PEX14: variants seen among roughly 807,000 people sequenced by gnomAD.
PEX14 encodes the protein peroxisomal membrane protein PEX14.
In PEX14, 15 loss-of-function variants were observed where a neutral mutation model predicts 49.5. The observed-to-expected ratio is 0.30, with a 90% CI of 0.20 to 0.47. PEX14 has a LOEUF of 0.47. Among genes scored for constraint, PEX14 ranks in the 20% least tolerant of loss-of-function variants. The pLI is 1.00. For missense variants in PEX14, 398 were observed against 494.8 expected, an observed-to-expected ratio of 0.80 and a Z score of 1.86; for synonymous variants, 210 against 212.7, an observed-to-expected ratio of 0.99 and a Z score of 0.11.
intron 8 of PEX14, 61 bp downstream of exon 8, chr1:10,627,424 T>G: frequency 8.3e-7 from 1 of 1,199,726 alleles, no homozygotes; most frequent in Non-Finnish European, 1.2e-6. Context: ...CTGGGAGCTC[T>G]GGGGCATGGG....
At chr1:10,566,763 C>T (rs188799217) in intron 3 of PEX14, among the ~76,000 whole-genome samples, 10 of 152,084 alleles carry the variant, frequency 6.6e-5, no homozygotes, top group South Asian at 6.2e-4. Flanking sequence ...GTGATCCGCC[C>T]GCCTCGGCCT....
intron 3 of PEX14, among the ~76,000 whole-genome samples, chr1:10,563,586 T>G (rs1470989818): frequency 2.7e-5 from 4 of 146,694 alleles, no homozygotes; most frequent in South Asian, 2.2e-4. Context: ...GATCGTGCCA[T>G]TGCACTCCAG....
At chr1:10,619,229 G>T (rs1557433933) in intron 5 of PEX14, among the ~76,000 whole-genome samples, 1 of 152,092 alleles carries the variant, frequency 6.6e-6, no homozygotes, top group Non-Finnish European at 1.5e-5. Context: ...ATGCAGGCCA[G>T]GGTAGGTGCC....
At chr1:10,618,492 C>T in intron 5 of PEX14, 75 bp downstream of exon 5, 2 of 1,141,222 alleles carry the variant, frequency 1.8e-6, no homozygotes, top group Non-Finnish European at 2.6e-6. Context: ...CACTGGTTCC[C>T]CTGCATGGAG....
At chr1:10,505,315 G>A (rs2480787) in intron 2 of PEX14, among the ~76,000 whole-genome samples, 111,701 of 151,868 alleles carry the variant, frequency 0.74, 41,848 homozygotes, top group Non-Finnish European at 0.81. Flanking sequence ...TATAAAAAAT[G>A]CAAAAATTAG....
intron 7 of PEX14, among the ~76,000 whole-genome samples, chr1:10,625,990 C>T (rs1641736237): frequency 6.6e-6 from 1 of 152,208 alleles, no homozygotes; most frequent in South Asian, 2.1e-4. Context: ...ACCCCATAAA[C>T]CAAAGACCCA....
chr1:10,604,796 C>T (rs1450084605), intron 4 of PEX14, among the ~76,000 whole-genome samples: 2 of 152,012 alleles, frequency 1.3e-5, no homozygotes, highest in African/African-American at 4.8e-5. Context: ...CCTATTTGGC[C>T]ATTTTATTCT....
chr1:10,611,102 T>A (rs1433697251), intron 4 of PEX14, among the ~76,000 whole-genome samples: 1 of 152,000 alleles, frequency 6.6e-6, no homozygotes, highest in East Asian at 1.9e-4. Context: ...CTGTCTGTAC[T>A]AAAAATATAA....
intron 1 of PEX14, among the ~76,000 whole-genome samples, chr1:10,489,731 C>G (rs1641437976): frequency 6.6e-6 from 1 of 152,242 alleles, no homozygotes; most frequent in South Asian, 2.1e-4. Context: ...CTTGGCCTCC[C>G]TGAACTCTGA....
intron 3 of PEX14, among the ~76,000 whole-genome samples, chr1:10,579,648 CG>C (rs34852690): frequency 3.3e-5 from 5 of 152,110 alleles, no homozygotes. Flanking sequence ...AGATGCCAGA[CG>C]GGGTGGATTA....
intron 3 of PEX14, among the ~76,000 whole-genome samples, chr1:10,586,062 A>G (rs1640475369): frequency 6.6e-6 from 1 of 152,228 alleles, no homozygotes; most frequent in African/African-American, 2.4e-5. Flanking sequence ...AGACAAATCT[A>G]TCATAATGGG....
At chr1:10,592,816 C>G (rs1450884653) in intron 3 of PEX14, among the ~76,000 whole-genome samples, 2 of 152,248 alleles carry the variant, frequency 1.3e-5, no homozygotes, top group African/African-American at 4.8e-5. Context: ...CCCAAACTCA[C>G]ATTCGATTCA....
At chr1:10,546,386 C>T (rs1453450975) in intron 3 of PEX14, among the ~76,000 whole-genome samples, 1 of 150,544 alleles carries the variant, frequency 6.6e-6, no homozygotes, top group African/African-American at 2.4e-5. Flanking sequence ...ACCAACATGG[C>T]GAAACCCTGT....
intron 5 of PEX14, among the ~76,000 whole-genome samples, chr1:10,622,474 A>G (rs1431437756): frequency 6.6e-6 from 1 of 152,178 alleles, no homozygotes; most frequent in Non-Finnish European, 1.5e-5. Context: ...GGGTCCCAGA[A>G]ATGTGTTGTT....
intron 3 of PEX14, among the ~76,000 whole-genome samples, chr1:10,580,961 A>G (rs918150092): frequency 1.3e-5 from 2 of 152,198 alleles, no homozygotes; most frequent in South Asian, 2.1e-4. Flanking sequence ...AGCCAGGATT[A>G]AAACATAAGC....
At chr1:10,593,741 T>C (rs1369186734) in intron 3 of PEX14, among the ~76,000 whole-genome samples, 1 of 152,212 alleles carries the variant, frequency 6.6e-6, no homozygotes, top group Non-Finnish European at 1.5e-5. Context: ...AACAAGGTGA[T>C]ATATAATATT....
At chr1:10,497,831 C>T (rs979669433) in intron 2 of PEX14, among the ~76,000 whole-genome samples, 2 of 152,158 alleles carry the variant, frequency 1.3e-5, no homozygotes, top group East Asian at 1.9e-4. Flanking sequence ...ATTTAAGCTT[C>T]GGGAAATACA....
Position 10,624,374 on chromosome 1 carries a change from G to A in PEX14, c.522G>A (p.Gln174=). The change falls in exon 7 of 9, where the codon CAG becomes CAA. Residue 174 remains glutamine (Q), a synonymous_variant. Coordinates refer to ENST00000356607, the MANE Select transcript of PEX14 (RefSeq NM_004565.3). Reference sequence around the variant, plus strand: ...TACAGACGACCCTCGCCTCCGTCCAGGAGCTGCTGATTCAGCAGCAGCAGA... The same window carrying A: ...TACAGACGACCCTCGCCTCCGTCCAAGAGCTGCTGATTCAGCAGCAGCAGA... ...TQLQTTLASV[Q]ELLIQQQQKI... is the part of the protein sequence containing the mutation. The A allele has an allele frequency of 6.2e-7, 1 of 1,613,520 alleles. No homozygotes were observed. Among genetic ancestry groups the A allele is most frequent in the South Asian group, 1.1e-5 (1 of 91,080 alleles).
chr1:10,599,134 G>A, intron 3 of PEX14, 104 bp from the exon 4 acceptor site: 1 of 1,186,874 alleles, frequency 8.4e-7, no homozygotes, highest in South Asian at 1.2e-5. Flanking sequence ...ACTAGGATGC[G>A]AGGCATTCTG....
Sources: allele counts gnomAD v4.1 joint callset (sites outside exome capture counted in the v4.1 genomes callset), GRCh38; gene constraint gnomAD v4.1.1; transcripts MANE v1.5; gene names NCBI Gene and HGNC (gene_info 2026-07-23, HGNC 2026-07-21).